The following PLXDC2 variants were observed in gnomAD, a reference collection of about 807,000 sequenced individuals.
PLXDC2 encodes the protein plexin domain-containing protein 2.
In PLXDC2, 40 loss-of-function variants were observed where a neutral mutation model predicts 68.9. The ratio of observed to expected loss-of-function variants is 0.58; its 90% confidence interval spans 0.45 to 0.76. The LOEUF (loss-of-function observed/expected upper bound fraction) is 0.76, where lower values mean the gene tolerates loss of function less well. Among genes scored for constraint, PLXDC2 ranks in the 30% least tolerant of loss-of-function variants. The pLI is 0.00. For synonymous variants in PLXDC2, 243 were observed against 234.2 expected (o/e 1.04, Z -0.34); for missense variants, 644 against 661.9 (o/e 0.97, Z 0.30).
intron 1 of PLXDC2, among the ~76,000 whole-genome samples, chr10:19,883,145 G>C (rs2131352370): frequency 6.6e-6 from 1 of 152,004 alleles, no homozygotes; most frequent in East Asian, 1.9e-4. Context: ...TGTATTTTTA[G>C]TAGAGATGGG....
In PLXDC2 at chr10:19,944,925, C is replaced by T. The variant is rs149692087; in HGVS notation, c.113-56850C>T. The stretch of plus-strand genomic sequence containing the variant: ...TGAAATTGCGCCACTGCACTCCAGC[C>T]GGGGCAACAAGAGCGAAACTCCATC... On this transcript the variant is annotated intron_variant, in intron 1 of 13. Coordinates refer to ENST00000377252, the MANE Select transcript of PLXDC2 (RefSeq NM_032812.9). Among the ~76,000 whole-genome samples the T allele has an allele frequency of 8.2e-3, 1,242 of 152,170 alleles. 7 individuals carry two copies. Among genetic ancestry groups the T allele is most frequent in the Admixed American group, 0.013 (200 of 15,286 alleles).
At chr10:19,900,448 A>C (rs537240169) in intron 1 of PLXDC2, among the ~76,000 whole-genome samples, 1 of 152,270 alleles carries the variant, frequency 6.6e-6, no homozygotes, top group East Asian at 1.9e-4. Context: ...TTTAAAAGGA[A>C]CAAAATTTTT....
chr10:20,135,952 C>T (rs1055228867), intron 4 of PLXDC2, among the ~76,000 whole-genome samples: 1 of 152,104 alleles, frequency 6.6e-6, no homozygotes, highest in Non-Finnish European at 1.5e-5. Flanking sequence ...TTATAGTTTG[C>T]TTCCTAAGAA....
At chr10:19,905,634 C>T (rs1253250860) in intron 1 of PLXDC2, among the ~76,000 whole-genome samples, 1 of 152,124 alleles carries the variant, frequency 6.6e-6, no homozygotes, top group East Asian at 1.9e-4. Flanking sequence ...CTAATTCAAC[C>T]AGTCAGCCAT....
chr10:20,164,721 C>T (rs1214669310), intron 7 of PLXDC2, among the ~76,000 whole-genome samples, 154 bp downstream of exon 7: 2 of 152,110 alleles, frequency 1.3e-5, no homozygotes, highest in Admixed American at 1.3e-4. Context: ...TTTATAACTC[C>T]GATTGGGCTA....
At chr10:20,175,446 C>A in intron 7 of PLXDC2, among the ~76,000 whole-genome samples, 1 of 152,088 alleles carries the variant, frequency 6.6e-6, no homozygotes, top group Admixed American at 6.6e-5. Flanking sequence ...CTTTGGGAGA[C>A]CAAAGTAGGA....
chr10:20,104,491 A>G (rs550489314), intron 4 of PLXDC2, among the ~76,000 whole-genome samples: 1 of 152,228 alleles, frequency 6.6e-6, no homozygotes, highest in Non-Finnish European at 1.5e-5. Flanking sequence ...TGTAATACAT[A>G]TTTTTATAGG....
intron 1 of PLXDC2, among the ~76,000 whole-genome samples, chr10:19,908,526 G>A (rs368924550): frequency 1.3e-5 from 2 of 152,302 alleles, no homozygotes; most frequent in East Asian, 3.9e-4. Flanking sequence ...TAACATAGGA[G>A]TTGAATTGTC....
chr10:19,943,012 A>G (rs955179413), intron 1 of PLXDC2, among the ~76,000 whole-genome samples: 1 of 152,208 alleles, frequency 6.6e-6, no homozygotes, highest in Non-Finnish European at 1.5e-5. Flanking sequence ...CACTAATTGT[A>G]ATCTCACCAC....
intron 4 of PLXDC2, among the ~76,000 whole-genome samples, chr10:20,116,254 A>G (rs564764374): frequency 1.1e-4 from 16 of 152,268 alleles, no homozygotes; most frequent in African/African-American, 2.9e-4. Context: ...TAACCCTAAG[A>G]TTCTTTTTCC....
chr10:20,226,479 C>A (rs1214649865), intron 12 of PLXDC2, among the ~76,000 whole-genome samples: 1 of 152,146 alleles, frequency 6.6e-6, no homozygotes, highest in African/African-American at 2.4e-5. Flanking sequence ...TTTTGTTGAA[C>A]CATATGAAAT....
chr10:19,969,178 T>C (rs1363504596), intron 1 of PLXDC2, among the ~76,000 whole-genome samples: 2 of 152,212 alleles, frequency 1.3e-5, no homozygotes, highest in Admixed American at 6.5e-5. Flanking sequence ...AAACATGTGA[T>C]GGAAGGCAAG....
At chr10:19,868,823 A>G (rs2131340964) in intron 1 of PLXDC2, among the ~76,000 whole-genome samples, 1 of 152,370 alleles carries the variant, frequency 6.6e-6, no homozygotes, top group East Asian at 1.9e-4. Flanking sequence ...TACCAAGTAT[A>G]TAGAAATTAC....
rs1399973376 is a variant in PLXDC2, at chr10:20,266,372, A to C, written c.1474-13331A>C. 5.3e-5 allele frequency among the ~76,000 whole-genome samples: 8 copies of C among 152,156 alleles called. No homozygotes were observed. The East Asian group carries it at 1.2e-3, about 22-fold the overall frequency. The stretch of plus-strand genomic sequence containing the variant: ...TAATGAAATTGTTGGGGAAAAAAAA[A>C]AAAACGTAATGACAGAAAATGATAC... On this transcript the variant is annotated intron_variant, in intron 13 of 13. Transcript: ENST00000377252.
chr10:20,272,191 AAATTGGTTTTCTAACCTGT>A lies in PLXDC2; in HGVS notation c.1474-7511_1474-7493del, dbSNP rs369483553. Reference sequence around the variant, plus strand: ...TTTGCTAAAATGAGCCTCAGAAGGAAAATTGGTTTTCTAACCTGTGGCTTTTTGAAATGAATTATTCCTT... The same window carrying A: ...TTTGCTAAAATGAGCCTCAGAAGGAAGGCTTTTTGAAATGAATTATTCCTT... On this transcript the variant is annotated intron_variant, in intron 13 of 13. Coordinates refer to ENST00000377252, the MANE Select transcript of PLXDC2 (RefSeq NM_032812.9). Among the ~76,000 whole-genome samples the A allele has an allele frequency of 4.7e-3, 709 of 152,290 alleles. 9 individuals are homozygous for A. Among genetic ancestry groups the A allele is most frequent in the African/African-American group, 0.014 (580 of 41,564 alleles).
intron 4 of PLXDC2, among the ~76,000 whole-genome samples, chr10:20,098,346 C>CGCGTGTGT (rs1554766417): frequency 3.9e-5 from 4 of 103,060 alleles, no homozygotes; most frequent in Non-Finnish European, 6.2e-5. Flanking sequence ...CATTTTCGTG[C>CGCGTGTGT]GTGTGTGTGT....
intron 13 of PLXDC2, among the ~76,000 whole-genome samples, chr10:20,267,299 A>G (rs567532914): frequency 4.6e-5 from 7 of 152,322 alleles, no homozygotes; most frequent in African/African-American, 1.7e-4. Flanking sequence ...GTAGAGAATC[A>G]GTATCTATCC....
At chr10:20,085,496 G>C (rs746332681) in intron 4 of PLXDC2, among the ~76,000 whole-genome samples, 1 of 152,154 alleles carries the variant, frequency 6.6e-6, no homozygotes, top group Non-Finnish European at 1.5e-5. Flanking sequence ...AATTTGCATA[G>C]CATCCACATT....
intron 4 of PLXDC2, among the ~76,000 whole-genome samples, chr10:20,071,927 A>T (rs957676783): frequency 6.6e-6 from 1 of 152,174 alleles, no homozygotes; most frequent in African/African-American, 2.4e-5. Flanking sequence ...GCTGAGTTAA[A>T]TGACAGTGCT....
Sources: allele counts gnomAD v4.1 joint callset (sites outside exome capture counted in the v4.1 genomes callset), GRCh38; gene constraint gnomAD v4.1.1; transcripts MANE v1.5; gene names NCBI Gene and HGNC (gene_info 2026-07-23, HGNC 2026-07-21).